The following STAU1 variants were observed in gnomAD, a reference collection of about 807,000 sequenced individuals.
STAU1 encodes staufen double-stranded RNA binding protein 1.
Under a neutral mutation model 62.9 loss-of-function variants are expected in STAU1, and 13 were observed. That is an observed-to-expected ratio of 0.21 (90% confidence interval 0.13 to 0.33). The LOEUF is 0.33. Ranked by LOEUF, STAU1 falls within the 10% of genes least tolerant of loss-of-function variation. The probability of loss-of-function intolerance (pLI) is 1.00; values close to 1 mark genes in which losing one functional copy is unlikely to be tolerated. For missense variants in STAU1, 571 were observed against 712.1 expected (o/e 0.80, Z 2.25); for synonymous variants, 269 against 265.1 (o/e 1.01, Z -0.14).
intron 6 of STAU1, among the ~76,000 whole-genome samples, chr20:49,129,050 A>G (rs1279897812): frequency 6.6e-6 from 1 of 151,874 alleles, no homozygotes; most frequent in African/African-American, 2.4e-5. Context: ...TATCTGCAAA[A>G]TACTTATCTG....
chr20:49,172,495 C>G (rs925047576), intron 2 of STAU1, among the ~76,000 whole-genome samples: 2 of 152,110 alleles, frequency 1.3e-5, no homozygotes, highest in Non-Finnish European at 2.9e-5. Context: ...AAAAGTAGTT[C>G]TGTGTGATAT....
At chr20:49,179,341 G>T (rs1186937547) in intron 1 of STAU1, 3 of 152,012 alleles carry the variant, frequency 2.0e-5, no homozygotes, top group Non-Finnish European at 4.4e-5. Context: ...TTTATGTTTG[G>T]TGCTTGAATA....
At chr20:49,203,207 C>T in the STAU1 span, among the ~76,000 whole-genome samples, 2 of 151,908 alleles carry the variant, frequency 1.3e-5, no homozygotes, top group African/African-American at 4.8e-5. Context: ...GGCAGATCAC[C>T]TGACGTCAGC....
chr20:49,199,973 G>C, the STAU1 span, among the ~76,000 whole-genome samples: 1 of 152,160 alleles, frequency 6.6e-6, no homozygotes, highest in South Asian at 2.1e-4. Context: ...GCCTCCCAAA[G>C]TGTTGGGGTT....
At chr20:49,192,345 C>CAAAAAAAAA (rs575816817), upstream of STAU1, among the ~76,000 whole-genome samples, 1 of 67,620 alleles carries the variant, frequency 1.5e-5, no homozygotes, top group Non-Finnish European at 2.9e-5. Context: ...GACTCCATCT[C>CAAAAAAAAA]AAAAAAAAAA....
chr20:49,116,091 C>T (rs1474373055), intron 12 of STAU1, among the ~76,000 whole-genome samples: 1 of 152,096 alleles, frequency 6.6e-6, no homozygotes, highest in Admixed American at 6.6e-5. Context: ...TTATATTTTT[C>T]CTTCTAGTAT....
At chr20:49,124,200 T>C (rs1235822387) in intron 7 of STAU1, among the ~76,000 whole-genome samples, 175 bp downstream of exon 7, 1 of 152,180 alleles carries the variant, frequency 6.6e-6, no homozygotes, top group Non-Finnish European at 1.5e-5. Flanking sequence ...ACTGACACAA[T>C]GTCCTTATCT....
At chr20:49,170,699 C>T (rs1322982899) in intron 2 of STAU1, among the ~76,000 whole-genome samples, 2 of 151,088 alleles carry the variant, frequency 1.3e-5, no homozygotes, top group Non-Finnish European at 2.9e-5. Flanking sequence ...ATTAACACAA[C>T]TTATAATGCA....
chr20:49,187,904 C>A (rs995360402), intron 1 of STAU1, among the ~76,000 whole-genome samples: 1 of 150,242 alleles, frequency 6.7e-6, no homozygotes, highest in African/African-American at 2.4e-5. Flanking sequence ...GGGATGGGGG[C>A]GCCCGGGGCC....
intron 8 of STAU1, among the ~76,000 whole-genome samples, 161 bp from the exon 9 acceptor site, chr20:49,120,289 G>A (rs910885488): frequency 3.3e-5 from 5 of 152,210 alleles, no homozygotes; most frequent in African/African-American, 1.2e-4. Flanking sequence ...TTATTAAATA[G>A]TCAGGAGTTT....
At chr20:49,175,071 G>C (rs1031347200) in intron 1 of STAU1, among the ~76,000 whole-genome samples, 1 of 152,314 alleles carries the variant, frequency 6.6e-6, no homozygotes, top group East Asian at 1.9e-4. Context: ...CAGGAGAATC[G>C]CTTGAACCTG....
At chr20:49,173,938 G>C (rs1312051211) in intron 2 of STAU1, among the ~76,000 whole-genome samples, 1 of 152,224 alleles carries the variant, frequency 6.6e-6, no homozygotes, top group African/African-American at 2.4e-5. Flanking sequence ...AGCCAGTCAT[G>C]TTTAATGACA....
intron 10 of STAU1, 82 bp from the exon 11 acceptor site, chr20:49,118,178 C>G (rs2092376676): frequency 6.8e-7 from 1 of 1,464,600 alleles, no homozygotes; most frequent in Non-Finnish European, 9.5e-7. Flanking sequence ...CCCACGCTGG[C>G]CCTCCCCTTG....
intron 2 of STAU1, among the ~76,000 whole-genome samples, chr20:49,168,918 C>G (rs1480270376): frequency 1.3e-5 from 2 of 151,716 alleles, no homozygotes; most frequent in Non-Finnish European, 2.9e-5. Context: ...AGAAAATCCC[C>G]TTTCTATCTC....
intron 3 of STAU1, among the ~76,000 whole-genome samples, chr20:49,154,502 C>T (rs2093323711): frequency 6.6e-6 from 1 of 152,186 alleles, no homozygotes; most frequent in African/African-American, 2.4e-5. Context: ...GAAGTATGTC[C>T]GTACACAGTA....
intron 8 of STAU1, among the ~76,000 whole-genome samples, chr20:49,122,284 T>C (rs2092481797): frequency 1.3e-5 from 2 of 152,194 alleles, no homozygotes; most frequent in Admixed American, 1.3e-4. Context: ...GAGGTAACCC[T>C]AGATTCCAGA....
the STAU1 span, among the ~76,000 whole-genome samples, chr20:49,198,784 A>T: frequency 6.6e-6 from 1 of 152,278 alleles, no homozygotes; most frequent in Admixed American, 6.5e-5. Flanking sequence ...TAACACTGTG[A>T]AACCTTGTCT....
chr20:49,152,603 G>A (rs551672912), intron 4 of STAU1, among the ~76,000 whole-genome samples: 5 of 152,076 alleles, frequency 3.3e-5, no homozygotes, highest in Admixed American at 3.3e-4. Flanking sequence ...GCCTCCCAAA[G>A]AGCTGGGATT....
intron 6 of STAU1, among the ~76,000 whole-genome samples, chr20:49,131,335 T>C (rs1396695494): frequency 6.6e-6 from 1 of 152,140 alleles, no homozygotes; most frequent in Admixed American, 6.5e-5. Context: ...TTGAGACAAC[T>C]GGTGAAATGT....
Sources: allele counts gnomAD v4.1 joint callset (sites outside exome capture counted in the v4.1 genomes callset), GRCh38; gene constraint gnomAD v4.1.1; transcripts MANE v1.5; gene names NCBI Gene and HGNC (gene_info 2026-07-23, HGNC 2026-07-21).